The following PLD5 variants were observed in gnomAD, a reference collection of about 807,000 sequenced individuals.
PLD5 encodes inactive phospholipase D5.
Under a neutral mutation model 61.1 loss-of-function variants are expected in PLD5, and 36 were observed. That is an observed-to-expected ratio of 0.59 (90% CI 0.45 to 0.78). The LOEUF (loss-of-function observed/expected upper bound fraction) is 0.78, where lower values mean the gene tolerates loss of function less well. Among genes scored for constraint, PLD5 ranks in the 30% least tolerant of loss-of-function variants. PLD5 has a pLI of 0.00. For synonymous variants in PLD5, 243 were observed against 242.8 expected (o/e 1.00, Z -0.01); for missense variants, 515 against 644.4 (o/e 0.80, Z 2.17).
Position 242,089,409 on chromosome 1 carries a change from T to TA in PLD5, c.*444dup, listed in dbSNP as rs1218459762. Reference sequence around the variant, plus strand: ...GACTGTGTAGGTCTTGGAGACGATTTACAAGAATAAACACTTGGTTTTATC... The same window carrying TA: ...GACTGTGTAGGTCTTGGAGACGATTTAACAAGAATAAACACTTGGTTTTATC... On this transcript the variant is annotated 3_prime_UTR_variant, in exon 10 of 10. Coordinates refer to ENST00000536534, the MANE Select transcript of PLD5 (RefSeq NM_001372062.1). The TA allele has an allele frequency of 2.5e-6, 1 of 401,666 alleles. No individual in the cohort carries two copies. Among genetic ancestry groups the TA allele is most frequent in the African/African-American group, 2.1e-5 (1 of 48,176 alleles). The allele number at this position is 401,666 out of a possible 1,614,324, so 24.9% of individuals were successfully genotyped here.
intron 1 of PLD5, among the ~76,000 whole-genome samples, chr1:242,381,693 T>C (rs545476224): frequency 6.6e-6 from 1 of 152,328 alleles, no homozygotes; most frequent in East Asian, 1.9e-4. Context: ...CCAGTATATT[T>C]AATATTTGTA....
At position 242,086,079 on chromosome 1, in the gene PLD5, C is replaced by T. The variant is rs900596661; in HGVS notation, c.*3775G>A. On this transcript the variant is annotated 3_prime_UTR_variant, in exon 10 of 10. Transcript: ENST00000536534. ...GAGCTTCTATCCATCCCAGGTTCAT[C>T]GAGGCACTTAAACCATTAACTGCAT... 5.9e-5 allele frequency: 9 copies of T among 152,118 alleles called. No homozygotes were observed. Among genetic ancestry groups the T allele is most frequent in the African/African-American group, 1.4e-4 (6 of 41,428 alleles). The allele number at this position is 152,118 out of a possible 1,614,324, so 9.4% of individuals were successfully genotyped here. A position where few individuals can be genotyped will look rare whatever the true frequency, so the allele number is the denominator to read the frequency against.
chr1:242,449,089 A>G (rs1368160974), intron 1 of PLD5, among the ~76,000 whole-genome samples: 4 of 152,242 alleles, frequency 2.6e-5, no homozygotes, highest in African/African-American at 9.6e-5. Flanking sequence ...AGGTCACCGT[A>G]GGACTGTCCT....
intron 1 of PLD5, among the ~76,000 whole-genome samples, chr1:242,413,330 C>G (rs538471582): frequency 7.3e-5 from 11 of 151,576 alleles, no homozygotes; most frequent in African/African-American, 2.4e-4. Context: ...TTCTACCCAG[C>G]AACTTGTATT....
chr1:242,383,471 T>A (rs982221758), intron 1 of PLD5, among the ~76,000 whole-genome samples: 2 of 151,774 alleles, frequency 1.3e-5, no homozygotes, highest in African/African-American at 4.8e-5. Flanking sequence ...CTAGGGGGAG[T>A]GGCAGCTTCT....
chr1:242,189,836 C>A (rs1668135580), intron 5 of PLD5, among the ~76,000 whole-genome samples: 1 of 152,156 alleles, frequency 6.6e-6, no homozygotes, highest in African/African-American at 2.4e-5. Flanking sequence ...TGGCCAATGC[C>A]AGGCCCCAAG....
intron 1 of PLD5, among the ~76,000 whole-genome samples, chr1:242,470,215 G>A (rs1347544899): frequency 6.6e-5 from 10 of 152,074 alleles, no homozygotes; most frequent in African/African-American, 9.6e-5. Flanking sequence ...TGGTGCGGGC[G>A]CCTGTACTCC....
At chr1:242,178,709 G>A (rs973487400) in intron 5 of PLD5, among the ~76,000 whole-genome samples, 3 of 152,186 alleles carry the variant, frequency 2.0e-5, no homozygotes, top group African/African-American at 7.2e-5. Context: ...CAGAATCTGT[G>A]TTATTATAGA....
chr1:242,097,577 G>A (rs927876529), intron 9 of PLD5, among the ~76,000 whole-genome samples: 2 of 152,144 alleles, frequency 1.3e-5, no homozygotes, highest in African/African-American at 4.8e-5. Flanking sequence ...CATATCCTTT[G>A]CCCACTTGTT....
chr1:242,444,903 C>G (rs1666460424), intron 1 of PLD5, among the ~76,000 whole-genome samples: 1 of 151,642 alleles, frequency 6.6e-6, no homozygotes, highest in African/African-American at 2.4e-5. Flanking sequence ...GCCTGTTACT[C>G]AAAGTCCAAT....
intron 1 of PLD5, among the ~76,000 whole-genome samples, chr1:242,506,331 G>A (rs1340158001): frequency 2.6e-5 from 4 of 152,296 alleles, no homozygotes; most frequent in Admixed American, 2.0e-4. Context: ...CAATTGGGCT[G>A]TGATACTCTC....
chr1:242,409,393 C>G (rs1005043619), intron 1 of PLD5, among the ~76,000 whole-genome samples: 4 of 152,116 alleles, frequency 2.6e-5, no homozygotes, highest in African/African-American at 9.7e-5. Flanking sequence ...GAAGAAATTT[C>G]TTTCTCACAT....
chr1:242,411,293 T>G (rs1380965137), intron 1 of PLD5, among the ~76,000 whole-genome samples: 2 of 152,220 alleles, frequency 1.3e-5, no homozygotes, highest in Non-Finnish European at 2.9e-5. Context: ...TGGAGTGCAG[T>G]GGCACGATCT....
chr1:242,338,122 A>G (rs1009206239), intron 2 of PLD5, among the ~76,000 whole-genome samples: 7 of 152,220 alleles, frequency 4.6e-5, no homozygotes, highest in Non-Finnish European at 8.8e-5. Context: ...TTTTGTCAGT[A>G]TAGTCTTTGT....
At chr1:242,254,245 A>G (rs1485227031) in intron 4 of PLD5, among the ~76,000 whole-genome samples, 1 of 152,112 alleles carries the variant, frequency 6.6e-6, no homozygotes, top group Non-Finnish European at 1.5e-5. Context: ...GTCATTTACT[A>G]ACAGTTCGTT....
intron 1 of PLD5, among the ~76,000 whole-genome samples, chr1:242,509,486 G>T (rs1237167263): frequency 6.6e-6 from 1 of 152,178 alleles, no homozygotes; most frequent in Non-Finnish European, 1.5e-5. Flanking sequence ...GTTATCAGCG[G>T]GGATATTCCA....
intron 1 of PLD5, among the ~76,000 whole-genome samples, chr1:242,482,262 C>T (rs1156985043): frequency 1.3e-5 from 2 of 152,100 alleles, no homozygotes; most frequent in East Asian, 1.9e-4. Flanking sequence ...ACTATTCCAA[C>T]CTAAAGGAGC....
intron 4 of PLD5, among the ~76,000 whole-genome samples, chr1:242,236,825 A>G (rs571621399): frequency 6.6e-6 from 1 of 152,338 alleles, no homozygotes; most frequent in South Asian, 2.1e-4. Context: ...TCCTTTTTCA[A>G]CTTCAGAATT....
At chr1:242,509,399 A>G (rs923187973) in intron 1 of PLD5, among the ~76,000 whole-genome samples, 4 of 152,190 alleles carry the variant, frequency 2.6e-5, no homozygotes, top group African/African-American at 9.7e-5. Context: ...TAAATGCCAT[A>G]GAGGGTAAAT....
Sources: allele counts gnomAD v4.1 joint callset (sites outside exome capture counted in the v4.1 genomes callset), GRCh38; gene constraint gnomAD v4.1.1; transcripts MANE v1.5; gene names NCBI Gene and HGNC (gene_info 2026-07-23, HGNC 2026-07-21).